HDLBP: variants seen among roughly 807,000 people sequenced by gnomAD.
HDLBP encodes the protein high density lipoprotein binding protein.
A neutral mutation model predicts 137.3 loss-of-function variants in HDLBP; 30 were observed. The ratio of observed to expected loss-of-function variants is 0.22; its 90% CI spans 0.16 to 0.30. The LOEUF (loss-of-function observed/expected upper bound fraction) is 0.30, where lower values mean the gene tolerates loss of function less well. HDLBP is among the 10% of genes least tolerant of loss of function. The probability of loss-of-function intolerance (pLI) is 1.00; values close to 1 mark genes in which losing one functional copy is unlikely to be tolerated. For missense variants in HDLBP, 1,119 were observed against 1,667.3 expected (o/e 0.67, Z 5.73); for synonymous variants, 606 against 596.0 (o/e 1.02, Z -0.24).
intron 1 of HDLBP, among the ~76,000 whole-genome samples, chr2:241,280,547 A>G (rs1329276034): frequency 6.6e-6 from 1 of 152,212 alleles, no homozygotes; most frequent in East Asian, 1.9e-4. Flanking sequence ...TTCTCCAGTG[A>G]CACTGTTCTC....
In HDLBP at chr2:241,235,603, A is replaced by G. The variant is rs867869862; in HGVS notation, c.2905-9T>C. The G allele has an allele frequency of 1.3e-5, 21 of 1,603,670 alleles. No individual in the cohort carries two copies. In the African/African-American group the frequency reaches 1.3e-4, roughly 10 times the overall value. The stretch of plus-strand genomic sequence containing the variant: ...GTGACAGGAACCAATGCCTGCAGGG[A>G]GGATGGTCATGGTTAGGCCGTGGGA... On this transcript the variant is annotated splice_polypyrimidine_tract_variant and intron_variant, in intron 21 of 27. Coordinates refer to ENST00000310931, the MANE Select transcript of HDLBP (RefSeq NM_005336.6).
chr2:241,230,216 C>T lies in HDLBP; in HGVS notation c.3528G>A (p.Val1176=). 6.2e-7 allele frequency: 1 copy of T among 1,613,218 alleles called. No homozygotes were observed. The highest frequency in any genetic ancestry group is 8.5e-7 in the Non-Finnish European group (1 of 1,179,366). The change falls in exon 26 of 28, where the codon GTG becomes GTA. Residue 1176 remains valine, a synonymous_variant. Transcript: ENST00000310931. This position sits in a 1 kb window ranked among gnomAD's most constrained non-coding sequence, Gnocchi z 5.0. ...CCTCCACATTCTCTGGGAGCCCCGT[C>T]ACAGTGACGCAGTTGGGGTCTGGGG... The part of the protein sequence containing the change: ...SGAPDPNCVT[V]TGLPENVEEA...
chr2:241,314,934 G>A (rs1252619651), intron 1 of HDLBP, among the ~76,000 whole-genome samples: 2 of 152,094 alleles, frequency 1.3e-5, no homozygotes, highest in Non-Finnish European at 2.9e-5. Context: ...CAGTTGCAGT[G>A]CCTCCAGGCC....
chr2:241,230,904 G>C lies in HDLBP; in HGVS notation c.3329C>G (p.Thr1110Arg). ...CAGTATAGCATCCCTGGCAGCTTCT[G>C]TGTTCTTTTCGTACCCTGTGATGGT... ...QITITGYEKNTEAARDAILRI... is the reference protein window; with the variant it reads ...QITITGYEKNREAARDAILRI... Residue 1110 changes from threonine (T) to arginine (R), a missense_variant, in exon 25 of 28, where the codon ACA becomes AGA. By Grantham distance (71) the Thr-to-Arg change is moderately conservative. Around this residue, in one of 4 missense-constraint regions of HDLBP, gnomAD observed 618 missense variants for 816.7 expected, o/e 0.76. Coordinates refer to ENST00000310931, the MANE Select transcript of HDLBP (RefSeq NM_005336.6). This position sits in a 1 kb window ranked among gnomAD's most constrained non-coding sequence, Gnocchi z 5.0. 1.2e-6 allele frequency: 2 copies of C among 1,614,188 alleles called. No individual in the cohort carries two copies. Among genetic ancestry groups the C allele is most frequent in the Admixed American group, 1.7e-5 (1 of 60,026 alleles).
chr2:241,246,934 T>G (rs2071726197), intron 15 of HDLBP, 51 bp from the exon 16 acceptor site: 1 of 1,607,798 alleles, frequency 6.2e-7, no homozygotes, highest in African/African-American at 1.3e-5. Flanking sequence ...CTCCCAGAGT[T>G]GAGACACAGT....
chr2:241,305,626 G>A (rs969984037), intron 1 of HDLBP, among the ~76,000 whole-genome samples: 6 of 152,306 alleles, frequency 3.9e-5, no homozygotes, highest in African/African-American at 7.2e-5. Flanking sequence ...TGTAGGTCAC[G>A]ACAACCACAA....
chr2:241,247,225 T>G, intron 14 of HDLBP, 83 bp from the exon 15 acceptor site: 6 of 852,426 alleles, frequency 7.0e-6, no homozygotes, highest in African/African-American at 1.7e-5. Flanking sequence ...AAGGGTAGCA[T>G]GAACACGACA....
chr2:241,231,387 AAAAAAAAAAC>A (rs1206802463), intron 24 of HDLBP: 2 of 152,740 alleles, frequency 1.3e-5, no homozygotes, highest in African/African-American at 4.9e-5. Flanking sequence ...CCATCTCAAA[AAAAAAAAAAC>A]AAAAAAAAAA....
rs1353525197 is a variant in HDLBP, at chr2:241,227,611, G to A, written c.*1990C>T. The stretch of plus-strand genomic sequence containing the variant: ...CGCTGAACAGTTTAGGAAAGGGCTC[G>A]CGTCTAAGACATCAAGCGACATACA... On this transcript the variant is annotated 3_prime_UTR_variant, in exon 28 of 28. Transcript: ENST00000310931. 1 of 152,628 alleles carries A rather than the reference G, an allele frequency of 6.6e-6. No individual in the cohort carries two copies. The highest frequency in any genetic ancestry group is 1.5e-5 in the Non-Finnish European group (1 of 68,054). 9.5% of individuals were successfully genotyped at this position (152,628 alleles called of 1,614,324 possible).
intron 20 of HDLBP, among the ~76,000 whole-genome samples, chr2:241,236,977 TGGGGGGGGGG>T (rs530665718): frequency 9.2e-6 from 1 of 108,198 alleles, no homozygotes; most frequent in Admixed American, 8.6e-5. Context: ...TCCCAGACCT[TGGGGGGGGGG>T]GGGGGGGCGG....
Position 241,272,111 on chromosome 2 carries a change from C to G in HDLBP, c.-102-3570G>C. 1.2e-6 allele frequency: 1 copy of G among 806,872 alleles called. No individual in the cohort carries two copies. Among genetic ancestry groups the G allele is most frequent in the South Asian group, 5.6e-5 (1 of 17,814 alleles). 50.0% of individuals were successfully genotyped at this position (806,872 alleles called of 1,614,324 possible). A position where few individuals can be genotyped will look rare whatever the true frequency, so the allele number is the denominator to read the frequency against. ...ATTTTTCATCCACGACCCTGGGGCACGTCCAAGTTGCACTCCAGGCCCAAG... is the reference window on the plus strand; with the variant it reads ...ATTTTTCATCCACGACCCTGGGGCAGGTCCAAGTTGCACTCCAGGCCCAAG... On this transcript the variant is annotated intron_variant, in intron 1 of 27. Transcript: ENST00000310931. The surrounding 1 kb of genome is among the most constrained non-coding windows in gnomAD (Gnocchi z 5.6).
At chr2:241,269,938 G>A (rs903745604) in intron 1 of HDLBP, among the ~76,000 whole-genome samples, 1 of 152,102 alleles carries the variant, frequency 6.6e-6, no homozygotes, top group African/African-American at 2.4e-5. Context: ...CTCACTCAAG[G>A]TTGTCCCGGG....
intron 1 of HDLBP, among the ~76,000 whole-genome samples, chr2:241,308,841 G>A (rs542670059): frequency 3.9e-5 from 6 of 152,214 alleles, no homozygotes; most frequent in South Asian, 2.1e-4. Context: ...ACTTCACCAC[G>A]ATCCACCACC....
intron 21 of HDLBP, chr2:241,236,268 C>A (rs2149361697): frequency 3.1e-6 from 1 of 317,804 alleles, no homozygotes; most frequent in Non-Finnish European, 5.9e-6. Flanking sequence ...GCCTGATAAC[C>A]CCACTCACGC....
At chr2:241,277,682 C>A (rs2074440634) in intron 1 of HDLBP, among the ~76,000 whole-genome samples, 2 of 152,218 alleles carry the variant, frequency 1.3e-5, no homozygotes, top group African/African-American at 2.4e-5. Context: ...TACAACAAGG[C>A]CGGGCGAGGT....
At chr2:241,251,767 CAGTTTG>C (rs1412468567) in intron 11 of HDLBP, among the ~76,000 whole-genome samples, 2 of 151,960 alleles carry the variant, frequency 1.3e-5, no homozygotes, top group Admixed American at 1.3e-4. Context: ...CTAAGGTCAG[CAGTTTG>C]ACACCAGCCT....
Position 241,233,767 on chromosome 2 carries a change from G to C in HDLBP, c.3288+53C>G, listed in dbSNP as rs1368758160. 2.5e-6 allele frequency: 4 copies of C among 1,608,500 alleles called. No individual in the cohort carries two copies. The Admixed American group carries it at 6.7e-5, about 27-fold the overall frequency. ...ATCTGGTTACTGCTCCCAAGTCACA[G>C]GAAAGGTCAACAAGCACCTCTGCCC... On this transcript the variant is annotated intron_variant, in intron 24 of 27. Transcript: ENST00000310931. This position sits in a 1 kb window ranked among gnomAD's most constrained non-coding sequence, Gnocchi z 4.3.
At chr2:241,266,245 T>C (rs2073667088) in intron 3 of HDLBP, among the ~76,000 whole-genome samples, 1 of 152,152 alleles carries the variant, frequency 6.6e-6, no homozygotes, top group Non-Finnish European at 1.5e-5. Flanking sequence ...ACATTAGAGA[T>C]GTTGAAATGA....
At chr2:241,235,906 C>T (rs1368554354) in intron 21 of HDLBP, among the ~76,000 whole-genome samples, 1 of 152,148 alleles carries the variant, frequency 6.6e-6, no homozygotes, top group Non-Finnish European at 1.5e-5. Context: ...GTCATGACGG[C>T]TTTGACCGAT....
Sources: gnomAD v4.1 joint callset for allele counts (sites outside exome capture counted in the v4.1 genomes callset) on GRCh38, gnomAD v4.1.1 for gene constraint, gnomAD v4.1.1 regional missense constraint, Gnocchi (gnomAD v3.1) non-coding constraint, MANE v1.5 for transcripts, NCBI Gene and HGNC (gene_info 2026-07-23, HGNC 2026-07-21) for gene names.